Variants in NOS1AP observed in about 807,000 individuals in gnomAD.
NOS1AP encodes the protein carboxyl-terminal PDZ ligand of neuronal nitric oxide synthase protein.
A neutral mutation model predicts 56.2 loss-of-function variants in NOS1AP; 21 were observed. The observed-to-expected ratio is 0.37, with a 90% confidence interval of 0.26 to 0.54. The LOEUF (loss-of-function observed/expected upper bound fraction) is 0.54, where lower values mean the gene tolerates loss of function less well. Among genes scored for constraint, NOS1AP ranks in the 20% least tolerant of loss-of-function variants. NOS1AP has a pLI of 0.84. For synonymous variants in NOS1AP, 270 were observed against 274.6 expected, an observed-to-expected ratio of 0.98 and a Z score of 0.17; for missense variants, 522 against 657.8, an observed-to-expected ratio of 0.79 and a Z score of 2.26.
intron 2 of NOS1AP, among the ~76,000 whole-genome samples, chr1:162,205,062 C>T (rs1557832184): frequency 6.6e-6 from 1 of 152,138 alleles, no homozygotes; most frequent in African/African-American, 2.4e-5. Context: ...AAAGATATTG[C>T]CAGAAATCAC....
chr1:162,335,594 C>T (rs1656912594), intron 5 of NOS1AP, among the ~76,000 whole-genome samples: 1 of 152,102 alleles, frequency 6.6e-6, no homozygotes, highest in East Asian at 1.9e-4. Flanking sequence ...CTATAGAGGA[C>T]ATGTGTGTTG....
intron 1 of NOS1AP, among the ~76,000 whole-genome samples, chr1:162,102,247 A>T (rs1647312776): frequency 6.6e-6 from 1 of 152,174 alleles, no homozygotes; most frequent in Non-Finnish European, 1.5e-5. Flanking sequence ...GATGAATTAC[A>T]TTTATTGATT....
At chr1:162,223,528 G>A (rs1652851903) in intron 2 of NOS1AP, among the ~76,000 whole-genome samples, 1 of 152,170 alleles carries the variant, frequency 6.6e-6, no homozygotes, top group South Asian at 2.1e-4. Flanking sequence ...GAAAGAGGTT[G>A]GGGCTCCAAG....
intron 4 of NOS1AP, among the ~76,000 whole-genome samples, chr1:162,321,355 G>C (rs886595048): frequency 1.3e-5 from 2 of 152,118 alleles, no homozygotes; most frequent in African/African-American, 2.4e-5. Context: ...TTAAGAAAAT[G>C]TGGCACATAT....
chr1:162,231,722 A>G (rs930119663), intron 2 of NOS1AP, among the ~76,000 whole-genome samples: 1 of 152,208 alleles, frequency 6.6e-6, no homozygotes, highest in African/African-American at 2.4e-5. Flanking sequence ...AGCAGGGCAA[A>G]GCAGGAGAGA....
intron 4 of NOS1AP, among the ~76,000 whole-genome samples, chr1:162,306,660 G>A (rs776067594): frequency 2.6e-5 from 4 of 152,112 alleles, no homozygotes; most frequent in African/African-American, 9.7e-5. Flanking sequence ...TTCATCAGTC[G>A]GCTTGGTGGC....
intron 2 of NOS1AP, among the ~76,000 whole-genome samples, chr1:162,181,209 C>A (rs977776211): frequency 6.6e-6 from 1 of 152,188 alleles, no homozygotes; most frequent in Non-Finnish European, 1.5e-5. Context: ...AATCAGTATG[C>A]TGACAAGAAA....
In NOS1AP at chr1:162,193,946, C is replaced by T. The variant is rs527622336; in HGVS notation, c.177+39470C>T. Among the ~76,000 whole-genome samples, 5 of 152,160 alleles carry T rather than the reference C, an allele frequency of 3.3e-5. No homozygotes were observed. In the East Asian group the frequency reaches 9.7e-4, roughly 29 times the overall value. On this transcript the variant is annotated intron_variant, in intron 2 of 9. Transcript: ENST00000361897. The stretch of plus-strand genomic sequence containing the variant: ...ATTGGCAGGGATTTGCCAGGAGATC[C>T]AAGGCAGAGCTGCCAGCTTACTGGA...
chr1:162,356,919 T>C (rs1657721211), intron 7 of NOS1AP, 41 bp from the exon 8 acceptor site: 1 of 1,613,518 alleles, frequency 6.2e-7, no homozygotes, highest in Non-Finnish European at 8.5e-7. Context: ...TCAAGATGGC[T>C]CCTGCCACAT....
chr1:162,125,541 C>T (rs980979525), intron 1 of NOS1AP, among the ~76,000 whole-genome samples: 1 of 152,008 alleles, frequency 6.6e-6, no homozygotes, highest in Non-Finnish European at 1.5e-5. Context: ...GTCCTTTCCC[C>T]GAGGTATGTT....
chr1:162,098,805 C>T (rs944919425), intron 1 of NOS1AP, among the ~76,000 whole-genome samples: 3 of 152,136 alleles, frequency 2.0e-5, no homozygotes, highest in African/African-American at 7.2e-5. Flanking sequence ...AGGATAATGG[C>T]TTCAAACTCC....
chr1:162,140,920 G>A (rs1370960495), intron 1 of NOS1AP, among the ~76,000 whole-genome samples: 1 of 152,016 alleles, frequency 6.6e-6, no homozygotes, highest in South Asian at 2.1e-4. Flanking sequence ...ACATTTGTTG[G>A]CCTTGTGTAT....
chr1:162,202,632 T>C (rs1418584719), intron 2 of NOS1AP, among the ~76,000 whole-genome samples: 2 of 152,152 alleles, frequency 1.3e-5, no homozygotes, highest in African/African-American at 4.8e-5. Context: ...AATTTTTGCG[T>C]GTGTTTCAGA....
Position 162,070,147 on chromosome 1 carries a change from C to T in NOS1AP, c.-31C>T. 8 of 1,586,900 alleles carry T rather than the reference C, an allele frequency of 5.0e-6. No individual in the cohort carries two copies. The highest frequency in any genetic ancestry group is 6.9e-6 in the Non-Finnish European group (8 of 1,155,732). On this transcript the variant is annotated 5_prime_UTR_variant, in exon 1 of 10. Coordinates refer to ENST00000361897, the MANE Select transcript of NOS1AP (RefSeq NM_014697.3). ...GCCAGCCCCTTCCTGCAGCCGCCGCCTCCGAAGGAGCGGGTCCGCCGCGGG... is the reference window on the plus strand; with the variant it reads ...GCCAGCCCCTTCCTGCAGCCGCCGCTTCCGAAGGAGCGGGTCCGCCGCGGG...
intron 4 of NOS1AP, among the ~76,000 whole-genome samples, chr1:162,330,954 A>T (rs1364309589): frequency 2.0e-5 from 3 of 152,118 alleles, no homozygotes; most frequent in African/African-American, 7.2e-5. Flanking sequence ...TTCTGGCTTG[A>T]GTAGGTATGG....
rs573909464 is a variant in NOS1AP, at chr1:162,285,928, G to A, written c.178-1416G>A. Among the ~76,000 whole-genome samples the A allele has an allele frequency of 2.0e-5, 3 of 152,292 alleles. No individual in the cohort carries two copies. In the East Asian group the frequency reaches 5.8e-4, roughly 29 times the overall value. On this transcript the variant is annotated intron_variant, in intron 2 of 9. Transcript: ENST00000361897. ...TGACCAGAGCCTGCAATGACAACGT[G>A]AAGAAGGATCTCTTACCTCAGTTAG...
chr1:162,350,853 T>C (rs543182707), intron 6 of NOS1AP, among the ~76,000 whole-genome samples: 16 of 152,290 alleles, frequency 1.1e-4, no homozygotes, highest in Admixed American at 5.2e-4. Context: ...GTTATGATGA[T>C]AAATCAGTTA....
chr1:162,270,987 T>C (rs1654566249), intron 2 of NOS1AP, among the ~76,000 whole-genome samples: 1 of 150,296 alleles, frequency 6.7e-6, no homozygotes, highest in African/African-American at 2.5e-5. Flanking sequence ...CAAGAGCAGC[T>C]TGGTGGGAGA....
intron 1 of NOS1AP, among the ~76,000 whole-genome samples, chr1:162,143,097 A>G (rs1465477561): frequency 6.6e-6 from 1 of 152,018 alleles, no homozygotes; most frequent in East Asian, 1.9e-4. Flanking sequence ...GTTTACCTCA[A>G]ACTGAGCCCA....
Sources: gnomAD v4.1 joint callset for allele counts (sites outside exome capture counted in the v4.1 genomes callset) on GRCh38, gnomAD v4.1.1 for gene constraint, MANE v1.5 for transcripts, NCBI Gene and HGNC (gene_info 2026-07-23, HGNC 2026-07-21) for gene names.